TAS2R30: variants seen among roughly 807,000 people sequenced by gnomAD.
TAS2R30 encodes taste 2 receptor member 30.
For synonymous variants in TAS2R30, 141 were observed against 131.6 expected, an observed-to-expected ratio of 1.07 and a Z score of -0.49; for missense variants, 395 against 371.6, an observed-to-expected ratio of 1.06 and a Z score of -0.52.
rs753999414 is a variant in TAS2R30 at position 11,133,255 on chromosome 12, A to C, written c.*30T>G. On this transcript the variant is annotated 3_prime_UTR_variant, in exon 1 of 1. Transcript: ENST00000539585. ...CAGAAAACCCAGTAAGAAATATAAA[A>C]TGTTTCATACACCACCAGTTTGTTT... The C allele has an allele frequency of 9.6e-6, 15 of 1,556,618 alleles. No homozygotes were observed. In the East Asian group the frequency reaches 1.3e-4, roughly 14 times the overall value.
exon 1 of TAS2R30, chr12:11,133,898 A>T (rs774044398): frequency 9.9e-6 from 16 of 1,614,068 alleles, no homozygotes; most frequent in Middle Eastern, 1.6e-4. Context: ...AAGAAAAATA[A>T]GGTTGGAGAA....
exon 1 of TAS2R30, chr12:11,134,128 T>C: frequency 6.2e-7 from 1 of 1,614,144 alleles, no homozygotes; most frequent in East Asian, 2.2e-5. Flanking sequence ...AGGAGATCTT[T>C]TGTCTCTTGA....
chr12:11,133,920 T>C (rs1946463583), exon 1 of TAS2R30: 2 of 1,614,062 alleles, frequency 1.2e-6, no homozygotes, highest in Non-Finnish European at 1.7e-6. Flanking sequence ...TTGGCAATCC[T>C]GAGCAAATAA....
exon 1 of TAS2R30, chr12:11,133,442 A>G (rs201104140): frequency 1.3e-6 from 2 of 1,573,246 alleles, no homozygotes; most frequent in Non-Finnish European, 1.7e-6. Context: ...ATAGCTGAAT[A>G]TAATAGCTTG....
In TAS2R30 at chr12:11,134,099, G is replaced by A. The variant is rs781504579; in HGVS notation, c.146C>T (p.Thr49Ile). 4 of 1,614,154 alleles carry A rather than the reference G, an allele frequency of 2.5e-6. No homozygotes were observed. In the South Asian group the frequency reaches 4.4e-5, roughly 18 times the overall value. Reference sequence around the variant, plus strand: ...ACCAACTCTGGAGACCGCCAGAGCAGTGAGAATTTGGTCAACAAAGGAGAT... The same window carrying A: ...ACCAACTCTGGAGACCGCCAGAGCAATGAGAATTTGGTCAACAAAGGAGAT... Residue 49 changes from threonine (T) to isoleucine (I), a missense_variant, in exon 1 of 1, where the codon ACT becomes ATT. By Grantham distance (89) the Thr-to-Ile change is moderately conservative. Transcript: ENST00000539585.
exon 1 of TAS2R30, chr12:11,133,107 C>T (rs1946417203): frequency 4.4e-6 from 3 of 688,192 alleles, no homozygotes; most frequent in Non-Finnish European, 6.2e-6. Context: ...TGTCAATGTT[C>T]TTCAGTTTTT....
exon 1 of TAS2R30, chr12:11,134,068 G>C: frequency 6.2e-7 from 1 of 1,614,100 alleles, no homozygotes; most frequent in Non-Finnish European, 8.5e-7. Context: ...ATAACACCCA[G>C]AGCAAACCAA....
Position 11,133,830 on chromosome 12 carries a change from A to C in TAS2R30, c.415T>G (p.Phe139Val), listed in dbSNP as rs752390480. ...ATCACAAAAAGATGACAAACCAAAA[A>C]TAGCAAAGGCCCCAACAGTATCACC... The change falls in exon 1 of 1, where the codon TTT becomes GTT. Residue 139 changes from phenylalanine (F) to valine (V), a missense_variant. Physicochemically the swap from Phe to Val is conservative, Grantham distance 50. Transcript: ENST00000539585. The C allele has an allele frequency of 4.3e-6, 7 of 1,614,168 alleles. No homozygotes were observed. The Admixed American group carries it at 5.0e-5, about 12-fold the overall frequency.
At chr12:11,133,069 T>A in exon 1 of TAS2R30, 1 of 530,450 alleles carries the variant, frequency 1.9e-6, no homozygotes. Flanking sequence ...TGGCAGTTTT[T>A]GTGAAAAAAC....
At chr12:11,133,134 C>CAT (rs1946420181) in exon 1 of TAS2R30, 1 of 965,856 alleles carries the variant, frequency 1.0e-6, no homozygotes. Context: ...CACACACACA[C>CAT]ACACACACAT....
chr12:11,133,052 T>C (rs1592079369), exon 1 of TAS2R30: 2 of 451,980 alleles, frequency 4.4e-6, no homozygotes, highest in Non-Finnish European at 7.4e-6. Flanking sequence ...TCATATTTTC[T>C]ATAATTTGGC....
rs2136374865 is a variant in TAS2R30 at position 11,134,404 on chromosome 12, T to C, written c.-160A>G. The C allele has an allele frequency of 1.1e-6, 1 of 913,592 alleles. No individual in the cohort carries two copies. The highest frequency in any genetic ancestry group is 1.9e-5 in the South Asian group (1 of 51,354). 56.6% of individuals were successfully genotyped at this position (913,592 alleles called of 1,614,324 possible). On this transcript the variant is annotated 5_prime_UTR_variant, in exon 1 of 1. An upstream open reading frame in the 5' UTR loses its in-frame stop. Coordinates refer to ENST00000539585, the Ensembl canonical transcript of TAS2R30. Reference sequence around the variant, plus strand: ...GCTGTGACCAGTGTCAAGTCAGAAATCACCATGGCATGCTAATGGATAAGT... The same window carrying C: ...GCTGTGACCAGTGTCAAGTCAGAAACCACCATGGCATGCTAATGGATAAGT...
chr12:11,133,065 T>C (rs546344814), exon 1 of TAS2R30: 8 of 520,030 alleles, frequency 1.5e-5, no homozygotes, highest in African/African-American at 7.9e-5. Flanking sequence ...AATTTGGCAG[T>C]TTTTGTGAAA....
rs746351119 is a variant in TAS2R30, at chr12:11,134,040, T to C, written c.205A>G (p.Thr69Ala). ...CTATAAAAAGCTGGATTCAACTGAGTTGCATACCAATGTAGTAATAACACC... is the reference window on the plus strand; with the variant it reads ...CTATAAAAAGCTGGATTCAACTGAGCTGCATACCAATGTAGTAATAACACC... Residue 69 changes from threonine to alanine, a missense_variant, in exon 1 of 1, where the codon ACT (threonine) becomes GCT (alanine). Thr to Ala is a moderately conservative substitution (Grantham distance 58). Coordinates refer to ENST00000539585, the Ensembl canonical transcript of TAS2R30. 62 of 1,613,978 alleles carry C rather than the reference T, an allele frequency of 3.8e-5. No homozygotes were observed. The highest frequency in any genetic ancestry group is 1.6e-4 in the Middle Eastern group (1 of 6,084).
At chr12:11,134,603 A>G (rs1946491813) in exon 1 of TAS2R30, 2 of 222,296 alleles carry the variant, frequency 9.0e-6, no homozygotes, top group African/African-American at 2.3e-5. Context: ...AGTGTTTGCA[A>G]TTTTTCCTTG....
chr12:11,132,980 T>G (rs1946410701), exon 1 of TAS2R30: 1 of 288,838 alleles, frequency 3.5e-6, no homozygotes, highest in Non-Finnish European at 6.3e-6. Context: ...ATATAAATTC[T>G]ACAAATGAAA....
At chr12:11,133,616 T>C in exon 1 of TAS2R30, 1 of 1,614,268 alleles carries the variant, frequency 6.2e-7, no homozygotes, top group Non-Finnish European at 8.5e-7. Context: ...GCCATGGAGC[T>C]GCATCTTCTT....
chr12:11,133,995 CA>C, the TAS2R30 span: 1 of 1,614,048 alleles, frequency 6.2e-7, no homozygotes, highest in Non-Finnish European at 8.5e-7. Flanking sequence ...ACATTATAAG[CA>C]GTAATTCTTA....
exon 1 of TAS2R30, chr12:11,133,516 C>G: frequency 6.2e-7 from 1 of 1,614,094 alleles, no homozygotes; most frequent in Non-Finnish European, 8.5e-7. Flanking sequence ...TGATCATGGA[C>G]AGAAAGTAAA....
Sources: gnomAD v4.1 joint callset for allele counts on GRCh38, gnomAD v4.1.1 for gene constraint, MANE v1.5 for transcripts, NCBI Gene and HGNC (gene_info 2026-07-23, HGNC 2026-07-21) for gene names.